Variants in PRRC2A observed in about 807,000 individuals in gnomAD.
The protein encoded by PRRC2A is proline rich coiled-coil 2A.
In PRRC2A, 59 loss-of-function variants were observed where a neutral mutation model predicts 224.6. The observed-to-expected ratio is 0.26, with a 90% CI of 0.21 to 0.33. PRRC2A has a LOEUF of 0.33. PRRC2A is among the 10% of genes least tolerant of loss of function. The pLI is 1.00. For missense variants in PRRC2A, 3,095 were observed against 2,880.7 expected (o/e 1.07, Z -1.70); for synonymous variants, 1,194 against 1,109.5 (o/e 1.08, Z -1.51).
intron 15 of PRRC2A, 146 bp downstream of exon 15, chr6:31,630,947 T>G: frequency 7.8e-7 from 1 of 1,282,516 alleles, no homozygotes; most frequent in South Asian, 1.5e-5. Context: ...TCCCAGCATT[T>G]TGGGAGGCTG....
At position 31,636,235 on chromosome 6, in the gene PRRC2A, G is replaced by A. The variant is rs1360330123; in HGVS notation, c.5651G>A (p.Gly1884Asp). 14 of 1,612,742 alleles carry A rather than the reference G, an allele frequency of 8.7e-6. No individual in the cohort carries two copies. The highest frequency in any genetic ancestry group is 1.2e-5 in the Non-Finnish European group (14 of 1,179,822). ...TCACAGCCCCTATACCTACCCCCCG[G>A]CCCAGCCCCTCCCTCAGCACTGCTC... ...YRSQPLYLPP[G>D]PAPPSALLSG... Residue 1884 changes from glycine to aspartate, a missense_variant, in exon 26 of 31, where the codon GGC (glycine) becomes GAC (aspartate). Gly to Asp is a moderately conservative substitution (Grantham distance 94, BLOSUM62 -1). Transcript: ENST00000376033. This position sits in a 1 kb window ranked among gnomAD's most constrained non-coding sequence, Gnocchi z 4.3.
At position 31,621,608 on chromosome 6, in the gene PRRC2A, A is replaced by G. The variant is rs189622467; in HGVS notation, c.-101+750A>G. On this transcript the variant is annotated intron_variant, in intron 1 of 30. Transcript: ENST00000376033. ...GTATTCGTTTTCCCTTCATATATTT[A>G]TCTTCACAGATTGGCCTCCTCAAAC... is the stretch of plus-strand genomic sequence containing the variant. Among the ~76,000 whole-genome samples, 13 of 151,310 alleles carry G rather than the reference A, an allele frequency of 8.6e-5. No individual in the cohort carries two copies. The East Asian group carries it at 2.5e-3, about 30-fold the overall frequency.
Position 31,625,995 on chromosome 6 carries a change from A to G in PRRC2A, c.840-25A>G, listed in dbSNP as rs1341130289. 8 of 1,609,544 alleles carry G rather than the reference A, an allele frequency of 5.0e-6. No individual in the cohort carries two copies. Among genetic ancestry groups the G allele is most frequent in the Non-Finnish European group, 6.8e-6 (8 of 1,178,360 alleles). On this transcript the variant is annotated intron_variant, in intron 8 of 30. Transcript: ENST00000376033. This position sits in a 1 kb window ranked among gnomAD's most constrained non-coding sequence, Gnocchi z 4.1. ...CGCATGTGGTTATACAACATGCCAT[A>G]TTTCATTTTCTTTTTTGTGTACAGC...
rs114580964 is a variant in PRRC2A at position 31,636,736 on chromosome 6, C to T, written c.5938C>T (p.Leu1980Phe). ...LPSGAPAQQM[L>F]LPMVDSQLPV... ...ACACCCAAATTTCTTGTTACAGATG[C>T]TTCTACCCATGGTAGACTCACAGCT... Residue 1980 changes from leucine (L) to phenylalanine (F), a missense_variant, in exon 28 of 31, where the codon CTT (leucine) becomes TTT (phenylalanine). By Grantham distance (22) the Leu-to-Phe change is conservative. Coordinates refer to ENST00000376033, the MANE Select transcript of PRRC2A (RefSeq NM_004638.4). This position sits in a 1 kb window ranked among gnomAD's most constrained non-coding sequence, Gnocchi z 4.3. 4 of 1,607,238 alleles carry T rather than the reference C, an allele frequency of 2.5e-6. No homozygotes were observed. The highest frequency in any genetic ancestry group is 2.5e-6 in the Non-Finnish European group (3 of 1,179,830).
Position 31,632,988 on chromosome 6 carries a change from C to T in PRRC2A, c.4315C>T (p.Arg1439Ter). ...DKRSWPSPKN[R>*]SRPPEERPPG... ...GAGGAGCTGGCCCTCTCCCAAGAAC[C>T]GAAGGTGGGTAGGAACAAACAAATT... The change falls in exon 16 of 31, where the codon CGA becomes TGA. Residue 1439 changes from arginine (R) to a stop codon, truncating the protein, a stop_gained. Coordinates refer to ENST00000376033, the MANE Select transcript of PRRC2A (RefSeq NM_004638.4). LOFTEE classifies it high-confidence loss of function. 6.4e-7 allele frequency: 1 copy of T among 1,561,346 alleles called. No individual in the cohort carries two copies. The highest frequency in any genetic ancestry group is 2.3e-5 in the East Asian group (1 of 44,026).
In PRRC2A at chr6:31,620,819, C is replaced by G. The variant is rs942774797; in HGVS notation, c.-140C>G. 6.5e-6 allele frequency: 1 copy of G among 152,798 alleles called. No homozygotes were observed. The highest frequency in any genetic ancestry group is 2.4e-5 in the African/African-American group (1 of 41,344). The allele number at this position is 152,798 out of a possible 1,614,324, so 9.5% of individuals were successfully genotyped here. A position where few individuals can be genotyped will look rare whatever the true frequency, so the allele number is the denominator to read the frequency against. On this transcript the variant is annotated 5_prime_UTR_variant, in exon 1 of 31. Coordinates refer to ENST00000376033, the MANE Select transcript of PRRC2A (RefSeq NM_004638.4). ...CCCACCGCCATCCCGTCCCGGGGAG[C>G]CCCTAGGCCCGGGTCCCGGATCCCC...
In PRRC2A at chr6:31,625,578, G is replaced by A. The variant is rs151316119; in HGVS notation, c.726G>A (p.Gln242=). The part of the protein sequence containing the change: ...RGGLQPSGPP[Q]FPPYRGMMPP... The stretch of plus-strand genomic sequence containing the variant: ...GGCTACAGCCTTCAGGCCCACCCCA[G>A]TTCCCTCCCTACCGCGGAATGATGC... The change falls in exon 7 of 31, where the codon CAG becomes CAA. Residue 242 remains glutamine (Q), a synonymous_variant. Coordinates refer to ENST00000376033, the MANE Select transcript of PRRC2A (RefSeq NM_004638.4). This position sits in a 1 kb window ranked among gnomAD's most constrained non-coding sequence, Gnocchi z 4.1. 2.6e-5 allele frequency: 41 copies of A among 1,570,664 alleles called. No homozygotes were observed. Among genetic ancestry groups the A allele is most frequent in the Non-Finnish European group, 3.2e-5 (37 of 1,156,880 alleles).
Position 31,627,190 on chromosome 6 carries a change from G to C in PRRC2A, c.1282G>C (p.Asp428His). Reference protein sequence around the residue: ...GPAGNWGPPGDYPDRGGPPCK... With the variant: ...GPAGNWGPPGHYPDRGGPPCK... Reference sequence around the variant, plus strand: ...CGCCGGGAACTGGGGCCCCCCTGGGGACTACCCAGTGAGTGTCTCCAATAA... The same window carrying C: ...CGCCGGGAACTGGGGCCCCCCTGGGCACTACCCAGTGAGTGTCTCCAATAA... Residue 428 changes from aspartate (D) to histidine (H), a missense_variant, in exon 11 of 31, where the codon GAC (aspartate) becomes CAC (histidine). Around this residue, in one of 8 missense-constraint regions of PRRC2A, gnomAD observed 2,001 missense variants for 1,764.9 expected, o/e 1.13. Coordinates refer to ENST00000376033, the MANE Select transcript of PRRC2A (RefSeq NM_004638.4). This position sits in a 1 kb window ranked among gnomAD's most constrained non-coding sequence, Gnocchi z 5.6. 1.2e-6 allele frequency: 2 copies of C among 1,602,972 alleles called. No homozygotes were observed. Among genetic ancestry groups the C allele is most frequent in the Non-Finnish European group, 1.7e-6 (2 of 1,171,276 alleles).
Position 31,631,121 on chromosome 6 carries a change from T to TTCTG in PRRC2A, c.2466-10_2466-7dup. The TTCTG allele has an allele frequency of 6.8e-7, 1 of 1,467,280 alleles. No individual in the cohort carries two copies. The highest frequency in any genetic ancestry group is 9.2e-7 in the Non-Finnish European group (1 of 1,089,964). 90.9% of individuals were successfully genotyped at this position (1,467,280 alleles called of 1,614,324 possible). A position where few individuals can be genotyped will look rare whatever the true frequency, so the allele number is the denominator to read the frequency against. On this transcript the variant is annotated splice_polypyrimidine_tract_variant and intron_variant, in intron 15 of 30. Transcript: ENST00000376033. This position sits in a 1 kb window ranked among gnomAD's most constrained non-coding sequence, Gnocchi z 4.5. ...TTCCTGAGATACTTATTTCCATTCT[T>TTCTG]TCTGTCTGTCTCTTCAGGAGCGAGA...
chr6:31,637,704 T>TTCCCCTGG lies in PRRC2A; in HGVS notation c.*126_*133dup, dbSNP rs1777727489. The TTCCCCTGG allele has an allele frequency of 1.8e-6, 1 of 569,604 alleles. No homozygotes were observed. The highest frequency in any genetic ancestry group is 2.0e-5 in the African/African-American group (1 of 50,682). The allele number at this position is 569,604 out of a possible 1,614,324, so 35.3% of individuals were successfully genotyped here. ...GGGGCCTCACTTCCCCTCCTCCCCC[T>TTCCCCTGG]TCCCCTGGTCCCCTGTCCCTGGGGC... On this transcript the variant is annotated 3_prime_UTR_variant, in exon 31 of 31. Transcript: ENST00000376033.
Position 31,631,202 on chromosome 6 carries a change from G to A in PRRC2A, c.2529G>A (p.Glu843=). 3.1e-6 allele frequency: 5 copies of A among 1,599,444 alleles called. No individual in the cohort carries two copies. The highest frequency in any genetic ancestry group is 4.3e-6 in the Non-Finnish European group (5 of 1,173,718). Reference sequence around the variant, plus strand: ...TGGCCAGTTATCCAGGCTTTCCTGAGAATGGAGCCCCTGGGCCCCCAATCT... The same window carrying A: ...TGGCCAGTTATCCAGGCTTTCCTGAAAATGGAGCCCCTGGGCCCCCAATCT... The part of the protein sequence containing the change: ...PYLASYPGFP[E]NGAPGPPISR... Residue 843 remains glutamate, a synonymous_variant, in exon 16 of 31, where the codon GAG becomes GAA. Coordinates refer to ENST00000376033, the MANE Select transcript of PRRC2A (RefSeq NM_004638.4). The surrounding 1 kb of genome is among the most constrained non-coding windows in gnomAD (Gnocchi z 4.5).
At position 31,629,536 on chromosome 6, in the gene PRRC2A, C is replaced by G. The variant is rs761463074; in HGVS notation, c.1957-12C>G. ...TTGAGCCTCTCTCATCTTGTCTTTC[C>G]TCCTTTCCTAGGAGCAGCTCCTGAA... On this transcript the variant is annotated splice_polypyrimidine_tract_variant and intron_variant, in intron 13 of 30. Transcript: ENST00000376033. 3.9e-6 allele frequency: 6 copies of G among 1,520,146 alleles called. No homozygotes were observed. Among genetic ancestry groups the G allele is most frequent in the Admixed American group, 3.3e-5 (2 of 59,844 alleles). 94.2% of individuals were successfully genotyped at this position (1,520,146 alleles called of 1,614,324 possible). A position where few individuals can be genotyped will look rare whatever the true frequency, so the allele number is the denominator to read the frequency against.
rs1247853911 is a variant in PRRC2A at position 31,627,182 on chromosome 6, C to T, written c.1274C>T (p.Pro425Leu). The change falls in exon 11 of 31, where the codon CCC becomes CTC. Residue 425 changes from proline to leucine, a missense_variant. By Grantham distance (98) the Pro-to-Leu change is moderately conservative (BLOSUM62 -3). Coordinates refer to ENST00000376033, the MANE Select transcript of PRRC2A (RefSeq NM_004638.4). The surrounding 1 kb of genome is among the most constrained non-coding windows in gnomAD (Gnocchi z 5.6). ...CGGGGCCCCGCCGGGAACTGGGGCC[C>T]CCCTGGGGACTACCCAGTGAGTGTC... ...PHRGPAGNWG[P>L]PGDYPDRGGP... is the part of the protein sequence containing the mutation. 1 of 1,607,266 alleles carries T rather than the reference C, an allele frequency of 6.2e-7. No homozygotes were observed. Among genetic ancestry groups the T allele is most frequent in the Non-Finnish European group, 8.5e-7 (1 of 1,174,852 alleles).
In PRRC2A at chr6:31,632,696, C is replaced by G. The variant is rs776289169; in HGVS notation, c.4023C>G (p.Pro1341=). 1.2e-6 allele frequency: 2 copies of G among 1,612,996 alleles called. No individual in the cohort carries two copies. The highest frequency in any genetic ancestry group is 2.7e-5 in the African/African-American group (2 of 74,924). The part of the protein sequence containing the change: ...TSERRGDKEA[P]PPVLLTPKAV... ...AGCGCCGAGGGGACAAAGAGGCACC[C>G]CCACCAGTACTGCTGACACCCAAGG... The change falls in exon 16 of 31, where the codon CCC becomes CCG. Residue 1341 remains proline (P), a synonymous_variant. Coordinates refer to ENST00000376033, the MANE Select transcript of PRRC2A (RefSeq NM_004638.4).
intron 12 of PRRC2A, chr6:31,628,547 A>C: frequency 2.3e-6 from 1 of 434,412 alleles, no homozygotes; most frequent in Non-Finnish European, 4.0e-6. Context: ...CTGGGCAACA[A>C]AGCAAGACCC....
chr6:31,632,961 A>G lies in PRRC2A; in HGVS notation c.4288A>G (p.Lys1430Glu), dbSNP rs1204478600. The G allele has an allele frequency of 1.2e-6, 2 of 1,601,136 alleles. No homozygotes were observed. Among genetic ancestry groups the G allele is most frequent in the South Asian group, 1.1e-5 (1 of 90,570 alleles). The change falls in exon 16 of 31, where the codon AAG (lysine) becomes GAG (glutamate). Residue 1430 changes from lysine (K) to glutamate (E), a missense_variant. By Grantham distance (56) the Lys-to-Glu change is moderately conservative. Around this residue, in one of 8 missense-constraint regions of PRRC2A, gnomAD observed 2,001 missense variants for 1,764.9 expected, o/e 1.13. Coordinates refer to ENST00000376033, the MANE Select transcript of PRRC2A (RefSeq NM_004638.4). The stretch of plus-strand genomic sequence containing the variant: ...AAGGACCGGGCCAGGACGAGGCGAC[A>G]AGAGGAGCTGGCCCTCTCCCAAGAA... ...GGRTGPGRGDKRSWPSPKNRS... is the reference protein window; with the variant it reads ...GGRTGPGRGDERSWPSPKNRS...
intron 17 of PRRC2A, 66 bp from the exon 18 acceptor site, chr6:31,633,793 G>A: frequency 1.3e-6 from 2 of 1,538,316 alleles, no homozygotes; most frequent in Non-Finnish European, 1.7e-6. Flanking sequence ...GGGAGGTGGA[G>A]TAGAGAGGAA....
chr6:31,623,597 A>C, intron 2 of PRRC2A, 135 bp from the exon 3 acceptor site: 2 of 1,008,520 alleles, frequency 2.0e-6, no homozygotes, highest in Non-Finnish European at 2.9e-6. Context: ...GGGCAGGGGA[A>C]GGAATCCCTT....
chr6:31,627,756 A>T lies in PRRC2A; in HGVS notation c.1291-9A>T. 6.2e-7 allele frequency: 1 copy of T among 1,610,342 alleles called. No homozygotes were observed. On this transcript the variant is annotated splice_polypyrimidine_tract_variant and intron_variant, in intron 11 of 30. Coordinates refer to ENST00000376033, the MANE Select transcript of PRRC2A (RefSeq NM_004638.4). This position sits in a 1 kb window ranked among gnomAD's most constrained non-coding sequence, Gnocchi z 5.6. Reference sequence around the variant, plus strand: ...TCCCCTGGCCCTGCTGGGTCTTGCCAATTGACAGGATCGTGGGGGTCCTCC... The same window carrying T: ...TCCCCTGGCCCTGCTGGGTCTTGCCTATTGACAGGATCGTGGGGGTCCTCC...
Sources: allele counts gnomAD v4.1 joint callset (sites outside exome capture counted in the v4.1 genomes callset), GRCh38; gene constraint gnomAD v4.1.1; regional missense constraint gnomAD v4.1.1; non-coding constraint Gnocchi (gnomAD v3.1); transcripts MANE v1.5; gene names NCBI Gene and HGNC (gene_info 2026-07-23, HGNC 2026-07-21).